CDH12: variants seen among roughly 807,000 people sequenced by gnomAD.
CDH12 encodes cadherin-12.
CDH12 carries 41 observed loss-of-function variants against 74.1 expected under a neutral mutation model. The ratio of observed to expected loss-of-function variants is 0.55; its 90% CI spans 0.43 to 0.72. The LOEUF (loss-of-function observed/expected upper bound fraction) is 0.72, where lower values mean the gene tolerates loss of function less well. Among genes scored for constraint, CDH12 ranks in the 30% least tolerant of loss-of-function variants. CDH12 has a pLI of 0.00. For synonymous variants in CDH12, 399 were observed against 355.0 expected, an observed-to-expected ratio of 1.12 and a Z score of -1.39; for missense variants, 945 against 977.2, an observed-to-expected ratio of 0.97 and a Z score of 0.44.
In CDH12 at chr5:22,408,611, T is replaced by C. The variant is rs568954904; in HGVS notation, c.-427-3260A>G. 2.3e-4 allele frequency among the ~76,000 whole-genome samples: 35 copies of C among 150,252 alleles called. No homozygotes were observed. The South Asian group carries it at 7.1e-3, about 30-fold the overall frequency. ...TATACTATATATACATTATATGTAA[T>C]TGTAAATTACATATATAGTACACAT... On this transcript the variant is annotated intron_variant, in intron 2 of 14. Transcript: ENST00000382254.
chr5:21,802,237 C>T lies in CDH12; in HGVS notation c.1186G>A (p.Asp396Asn), dbSNP rs199790838. The change falls in exon 10 of 15, where the codon GAC becomes AAC. Residue 396 changes from aspartate to asparagine, a missense_variant. Around this residue, in one of 3 missense-constraint regions of CDH12, gnomAD observed 791 missense variants for 792.8 expected, o/e 1.00. Transcript: ENST00000382254. ...KPLYTMEVYE[D>N]TPVGTIIGAV... Reference sequence around the variant, plus strand: ...CCAATGATGGTCCCTACCGGAGTGTCTTCATAAACCTCCATGGTGTAGAGC... The same window carrying T: ...CCAATGATGGTCCCTACCGGAGTGTTTTCATAAACCTCCATGGTGTAGAGC... 7.1e-5 allele frequency: 114 copies of T among 1,613,802 alleles called. No individual in the cohort carries two copies. Among genetic ancestry groups the T allele is most frequent in the Non-Finnish European group, 8.8e-5 (104 of 1,179,950 alleles).
intron 6 of CDH12, among the ~76,000 whole-genome samples, chr5:21,935,038 G>A (rs955907912): frequency 4.6e-5 from 7 of 152,000 alleles, no homozygotes; most frequent in Admixed American, 2.6e-4. Context: ...CGCCCACCTC[G>A]GCCTCCCAAA....
In CDH12 at chr5:22,382,734, T is replaced by C. The variant is rs373792488; in HGVS notation, c.-333+22523A>G. ...TTGTAAATGTAGTAAAAACGGAATT[T>C]AGTATTAATTTTATATTTCTAAAAA... On this transcript the variant is annotated intron_variant, in intron 3 of 14. Transcript: ENST00000382254. Among the ~76,000 whole-genome samples, 13 of 152,184 alleles carry C rather than the reference T, an allele frequency of 8.5e-5. No homozygotes were observed. In the East Asian group the frequency reaches 1.9e-3, roughly 23 times the overall value.
intron 5 of CDH12, among the ~76,000 whole-genome samples, chr5:22,008,248 T>A (rs4336329): frequency 0.27 from 41,143 of 151,030 alleles, 6,076 homozygotes; most frequent in African/African-American, 0.39. Flanking sequence ...TTTTTTTTTT[T>A]AAATGGAGTC....
chr5:22,404,575 C>T (rs899572247), intron 3 of CDH12, among the ~76,000 whole-genome samples: 5 of 152,098 alleles, frequency 3.3e-5, no homozygotes. Context: ...ATTAAAACTG[C>T]TATAACAGCC....
At chr5:22,675,689 A>C (rs1741131174) in intron 1 of CDH12, among the ~76,000 whole-genome samples, 1 of 151,846 alleles carries the variant, frequency 6.6e-6, no homozygotes, top group Admixed American at 6.6e-5. Flanking sequence ...CCACCATGTG[A>C]GACATGCCTT....
In CDH12 at chr5:22,383,880, G is replaced by A. The variant is rs1188874855; in HGVS notation, c.-333+21377C>T. On this transcript the variant is annotated intron_variant, in intron 3 of 14. Transcript: ENST00000382254. The stretch of plus-strand genomic sequence containing the variant: ...CCCTTCTCTGGGAGGACTGTGTAAT[G>A]TATACAATCTCCCTCTTTTGGTAAC... 2.6e-5 allele frequency among the ~76,000 whole-genome samples: 4 copies of A among 152,042 alleles called. No individual in the cohort carries two copies. In the East Asian group the frequency reaches 5.8e-4, roughly 22 times the overall value.
chr5:22,093,662 G>A (rs749114819), intron 4 of CDH12, among the ~76,000 whole-genome samples: 1 of 152,068 alleles, frequency 6.6e-6, no homozygotes, highest in Non-Finnish European at 1.5e-5. Context: ...GTTCCTTCTT[G>A]GGCGAATAAA....
chr5:22,140,555 T>C (rs1746731195), intron 4 of CDH12, among the ~76,000 whole-genome samples: 1 of 152,146 alleles, frequency 6.6e-6, no homozygotes, highest in African/African-American at 2.4e-5. Context: ...GCTGCATATG[T>C]ATAAACTAAG....
intron 1 of CDH12, among the ~76,000 whole-genome samples, chr5:22,539,971 C>T (rs1738027493): frequency 1.3e-5 from 2 of 152,138 alleles, no homozygotes; most frequent in South Asian, 4.1e-4. Flanking sequence ...TGGCATGGAT[C>T]TTTCTCTAGT....
intron 1 of CDH12, among the ~76,000 whole-genome samples, chr5:22,820,228 G>T (rs906353792): frequency 2.6e-5 from 4 of 151,704 alleles, no homozygotes; most frequent in Non-Finnish European, 2.9e-5. Flanking sequence ...AAAAACACAG[G>T]CAGAGACAAT....
At chr5:22,441,637 G>A (rs549580758) in intron 2 of CDH12, among the ~76,000 whole-genome samples, 8 of 151,772 alleles carry the variant, frequency 5.3e-5, no homozygotes, top group Non-Finnish European at 8.8e-5. Flanking sequence ...ACTTTTCTTC[G>A]TTTACTACAA....
chr5:22,117,232 T>G (rs1745171348), intron 4 of CDH12, among the ~76,000 whole-genome samples: 1 of 150,496 alleles, frequency 6.6e-6, no homozygotes. Context: ...ATATACTAAA[T>G]TATTTCTAGT....
chr5:22,051,720 T>C (rs1740382270), intron 5 of CDH12, among the ~76,000 whole-genome samples: 2 of 152,136 alleles, frequency 1.3e-5, no homozygotes, highest in South Asian at 4.1e-4. Flanking sequence ...TCTCCTCCCC[T>C]GATCTTTAAT....
At chr5:22,382,819 C>CATTATTATT (rs10567578) in intron 3 of CDH12, among the ~76,000 whole-genome samples, 3 of 150,558 alleles carry the variant, frequency 2.0e-5, no homozygotes, top group African/African-American at 7.3e-5. Flanking sequence ...TTCATGTTAT[C>CATTATTATT]ATTATTATTA....
intron 1 of CDH12, among the ~76,000 whole-genome samples, chr5:22,734,079 T>A (rs1259670905): frequency 6.6e-6 from 1 of 151,936 alleles, no homozygotes; most frequent in Non-Finnish European, 1.5e-5. Flanking sequence ...TTTAGGAAAG[T>A]TTTTAAAATA....
At chr5:22,416,025 T>C (rs937073245) in intron 2 of CDH12, among the ~76,000 whole-genome samples, 1 of 151,252 alleles carries the variant, frequency 6.6e-6, no homozygotes, top group African/African-American at 2.4e-5. Context: ...CTGTTTTAAA[T>C]TGAAATATAA....
intron 10 of CDH12, among the ~76,000 whole-genome samples, chr5:21,793,478 A>T (rs946286030): frequency 6.6e-6 from 1 of 151,680 alleles, no homozygotes; most frequent in African/African-American, 2.4e-5. Flanking sequence ...ACATTTTTGA[A>T]TATTCAAACG....
rs141195193 is a variant in CDH12, at chr5:22,609,950, A to C, written c.-522-104586T>G. The stretch of plus-strand genomic sequence containing the variant: ...TTAACACATTAGTGAAAGATATTTG[A>C]AAACAAGTGAGCTTCCCCAGTTCCA... On this transcript the variant is annotated intron_variant, in intron 1 of 14. Coordinates refer to ENST00000382254, the MANE Select transcript of CDH12 (RefSeq NM_004061.5). Among the ~76,000 whole-genome samples the C allele has an allele frequency of 4.6e-3, 697 of 152,374 alleles. 4 individuals are homozygous for C. The highest frequency in any genetic ancestry group is 0.016 in the African/African-American group (660 of 41,602).
Sources: allele counts gnomAD v4.1 joint callset (sites outside exome capture counted in the v4.1 genomes callset), GRCh38; gene constraint gnomAD v4.1.1; regional missense constraint gnomAD v4.1.1; transcripts MANE v1.5; gene names NCBI Gene and HGNC (gene_info 2026-07-23, HGNC 2026-07-21).